Variants in ANKRD11 observed in about 807,000 individuals in gnomAD.
ANKRD11 encodes the protein ankyrin repeat domain-containing protein 11.
Under a neutral mutation model 195.7 loss-of-function variants are expected in ANKRD11, and 17 were observed. The ratio of observed to expected loss-of-function variants is 0.09; its 90% CI spans 0.06 to 0.13. The LOEUF (loss-of-function observed/expected upper bound fraction) is 0.13, where lower values mean the gene tolerates loss of function less well. ANKRD11 is among the 10% of genes least tolerant of loss of function. ANKRD11 has a pLI of 1.00. For missense variants in ANKRD11, 3,735 were observed against 3,566.1 expected (o/e 1.05, Z -1.21); for synonymous variants, 1,953 against 1,528.1 (o/e 1.28, Z -6.49).
chr16:89,437,055 A>G (rs2043244541), intron 1 of ANKRD11, among the ~76,000 whole-genome samples: 1 of 152,186 alleles, frequency 6.6e-6, no homozygotes, highest in Non-Finnish European at 1.5e-5. Flanking sequence ...CATACGAGGA[A>G]GGAGATGTCA....
chr16:89,467,676 C>T (rs1399042534), intron 1 of ANKRD11, among the ~76,000 whole-genome samples: 2 of 152,088 alleles, frequency 1.3e-5, no homozygotes, highest in East Asian at 1.9e-4. Context: ...CTCTTCAACA[C>T]GCAGGATGCA....
chr16:89,436,834 G>T (rs1027262333), intron 1 of ANKRD11, among the ~76,000 whole-genome samples: 1 of 152,202 alleles, frequency 6.6e-6, no homozygotes, highest in African/African-American at 2.4e-5. Flanking sequence ...ACCCCTGAAG[G>T]TTGGACAATG....
intron 1 of ANKRD11, among the ~76,000 whole-genome samples, chr16:89,421,661 C>G (rs539275614): frequency 2.6e-4 from 30 of 115,550 alleles, no homozygotes; most frequent in Non-Finnish European, 4.0e-4. Context: ...CACGAAGGGT[C>G]GGTGTGTGAT....
intron 2 of ANKRD11, among the ~76,000 whole-genome samples, chr16:89,336,093 A>T (rs2038339026): frequency 6.6e-6 from 1 of 152,218 alleles, no homozygotes; most frequent in Non-Finnish European, 1.5e-5. Context: ...TTAACTGTTA[A>T]TTTGCTGATC....
At chr16:89,323,786 C>A in intron 2 of ANKRD11, 1 of 252,280 alleles carries the variant, frequency 4.0e-6, no homozygotes, top group South Asian at 4.3e-5. Flanking sequence ...GCTCTCTCTC[C>A]TTCCCCTCCT....
chr16:89,319,789 C>T (rs1036354746), intron 2 of ANKRD11, among the ~76,000 whole-genome samples: 3 of 152,216 alleles, frequency 2.0e-5, no homozygotes, highest in Non-Finnish European at 2.9e-5. Context: ...GCGTGCAGCA[C>T]GCGGCCCACT....
chr16:89,423,766 A>G (rs2042606773), intron 1 of ANKRD11, among the ~76,000 whole-genome samples: 1 of 152,350 alleles, frequency 6.6e-6, no homozygotes, highest in Admixed American at 6.5e-5. Context: ...AACGTTTTAA[A>G]TGGTCCGTTT....
intron 4 of ANKRD11, among the ~76,000 whole-genome samples, chr16:89,296,473 CTT>C (rs1314044420): frequency 6.6e-6 from 1 of 152,196 alleles, no homozygotes; most frequent in Non-Finnish European, 1.5e-5. Flanking sequence ...TTCACCAATA[CTT>C]TCTTATGTTG....
intron 2 of ANKRD11, among the ~76,000 whole-genome samples, chr16:89,405,016 T>A (rs1189659727): frequency 1.3e-5 from 2 of 151,894 alleles, no homozygotes; most frequent in South Asian, 2.1e-4. Context: ...TCTAAAAACT[T>A]CTCCTCTCCC....
rs1393423491 is a variant in ANKRD11 at position 89,488,939 on chromosome 16, TA to T, written c.-145+1305del. 2.0e-5 allele frequency: 3 copies of T among 152,300 alleles called. No homozygotes were observed. In the East Asian group the frequency reaches 5.8e-4, roughly 29 times the overall value. 9.4% of individuals were successfully genotyped at this position (152,300 alleles called of 1,614,324 possible). A position where few individuals can be genotyped will look rare whatever the true frequency, so the allele number is the denominator to read the frequency against. ...AACGATGAATCCTAAGCATGTTACA[TA>T]GAAGGAAAACAGTTTCAAAGCATAG... On this transcript the variant is annotated intron_variant, in intron 1 of 12. Coordinates refer to ENST00000301030, the MANE Select transcript of ANKRD11 (RefSeq NM_013275.6).
chr16:89,466,037 T>C (rs1387246987), intron 1 of ANKRD11, among the ~76,000 whole-genome samples: 1 of 151,992 alleles, frequency 6.6e-6, no homozygotes, highest in Non-Finnish European at 1.5e-5. Flanking sequence ...AAGGTCAGGG[T>C]GCCAATCACA....
intron 1 of ANKRD11, among the ~76,000 whole-genome samples, chr16:89,452,276 C>A (rs192020992): frequency 6.6e-6 from 1 of 151,384 alleles, no homozygotes; most frequent in African/African-American, 2.4e-5. Context: ...ACAAAAAAAA[C>A]TCATTTGCAA....
chr16:89,482,391 C>T (rs568240525), intron 1 of ANKRD11, among the ~76,000 whole-genome samples: 3 of 152,220 alleles, frequency 2.0e-5, no homozygotes, highest in East Asian at 1.9e-4. Context: ...AACAGGGAAA[C>T]GCTGAGAAAT....
chr16:89,375,899 A>G (rs1369274494), intron 2 of ANKRD11, among the ~76,000 whole-genome samples: 2 of 152,180 alleles, frequency 1.3e-5, no homozygotes, highest in African/African-American at 4.8e-5. Context: ...CAGTGCTCCC[A>G]AGAAGCAGAG....
intron 6 of ANKRD11, chr16:89,288,903 T>G: frequency 1.6e-6 from 1 of 613,100 alleles, no homozygotes; most frequent in Admixed American, 2.7e-5. Flanking sequence ...CCCTACGGAC[T>G]GACAACCTGC....
intron 2 of ANKRD11, among the ~76,000 whole-genome samples, chr16:89,383,239 C>G (rs1038470064): frequency 5.9e-5 from 9 of 152,208 alleles, no homozygotes; most frequent in African/African-American, 2.2e-4. Flanking sequence ...AAGTGTTCAG[C>G]TGGCTGAAAG....
chr16:89,291,010 C>T lies in ANKRD11; in HGVS notation c.397+3G>A, dbSNP rs941533355. The T allele has an allele frequency of 2.5e-6, 4 of 1,611,164 alleles. No individual in the cohort carries two copies. In the Admixed American group the frequency reaches 5.0e-5, roughly 20 times the overall value. On this transcript the variant is annotated splice_donor_region_variant and intron_variant, in intron 5 of 12. Transcript: ENST00000301030. This position sits in a 1 kb window ranked among gnomAD's most constrained non-coding sequence, Gnocchi z 5.3. ...CCAGGGACCACCCACAGGCCGGGCT[C>T]ACCTGGGCTGTTGGCAGACTCCTCG...
At chr16:89,296,062 C>T (rs567082717) in intron 4 of ANKRD11, among the ~76,000 whole-genome samples, 1 of 135,464 alleles carries the variant, frequency 7.4e-6, no homozygotes, top group Non-Finnish European at 1.5e-5. Context: ...AATCTCAGCT[C>T]ACCGCAGCCT....
chr16:89,284,285 G>C lies in ANKRD11; in HGVS notation c.2257C>G (p.Pro753Ala). The C allele has an allele frequency of 6.2e-7, 1 of 1,613,424 alleles. No homozygotes were observed. The highest frequency in any genetic ancestry group is 8.5e-7 in the Non-Finnish European group (1 of 1,179,904). Reference protein sequence around the residue: ...EKERSLKEKSPKEEKLRLYKE... With the variant: ...EKERSLKEKSAKEEKLRLYKE... ...TACAGTCTCAGTTTTTCTTCTTTCGGAGACTTTTCCTTCAGCGATCTCTCC... is the reference window on the plus strand; with the variant it reads ...TACAGTCTCAGTTTTTCTTCTTTCGCAGACTTTTCCTTCAGCGATCTCTCC... The change falls in exon 9 of 13, where the codon CCG becomes GCG. Residue 753 changes from proline (P) to alanine (A), a missense_variant. By Grantham distance (27) the Pro-to-Ala change is conservative. Coordinates refer to ENST00000301030, the MANE Select transcript of ANKRD11 (RefSeq NM_013275.6).
Sources: allele counts gnomAD v4.1 joint callset (sites outside exome capture counted in the v4.1 genomes callset), GRCh38; gene constraint gnomAD v4.1.1; non-coding constraint Gnocchi (gnomAD v3.1); transcripts MANE v1.5; gene names NCBI Gene and HGNC (gene_info 2026-07-23, HGNC 2026-07-21).